The following SYNPR variants were observed in gnomAD, a reference collection of about 807,000 sequenced individuals.
SYNPR encodes synaptoporin.
A neutral mutation model predicts 32.9 loss-of-function variants in SYNPR; 23 were observed. The ratio of observed to expected loss-of-function variants is 0.70; its 90% CI spans 0.50 to 0.99. The LOEUF (loss-of-function observed/expected upper bound fraction) is 0.99, where lower values mean the gene tolerates loss of function less well. Ranked by LOEUF, SYNPR falls within the 50% of genes least tolerant of loss-of-function variation. The probability of loss-of-function intolerance (pLI) is 0.00; values close to 1 mark genes in which losing one functional copy is unlikely to be tolerated. For synonymous variants in SYNPR, 146 were observed against 135.9 expected (o/e 1.07, Z -0.52); for missense variants, 318 against 349.3 (o/e 0.91, Z 0.71).
chr3:63,539,249 A>G (rs1466596408), intron 3 of SYNPR, among the ~76,000 whole-genome samples: 5 of 152,140 alleles, frequency 3.3e-5, no homozygotes, highest in Admixed American at 2.6e-4. Context: ...ATTCCACAAC[A>G]AAGTAGAATC....
At chr3:63,445,100 A>G (rs762630984) in intron 2 of SYNPR, among the ~76,000 whole-genome samples, 2 of 152,054 alleles carry the variant, frequency 1.3e-5, no homozygotes, top group Non-Finnish European at 2.9e-5. Flanking sequence ...AATATTTTAT[A>G]TAATATATTT....
chr3:63,372,682 A>C (rs1473390440), intron 2 of SYNPR, among the ~76,000 whole-genome samples: 2 of 152,110 alleles, frequency 1.3e-5, no homozygotes, highest in African/African-American at 4.8e-5. Context: ...ATAGGTGAAA[A>C]GTCCTCTGCC....
chr3:63,571,081 A>G (rs945376116), intron 4 of SYNPR, among the ~76,000 whole-genome samples: 1 of 152,178 alleles, frequency 6.6e-6, no homozygotes, highest in East Asian at 1.9e-4. Flanking sequence ...AATCACAATA[A>G]GCATCAATGT....
chr3:63,294,151 G>T (rs2086770534), intron 2 of SYNPR, among the ~76,000 whole-genome samples: 1 of 152,068 alleles, frequency 6.6e-6, no homozygotes. Context: ...AACTTAGGTA[G>T]TTTTCAAATG....
At chr3:63,232,090 T>A (rs553272012) in intron 1 of SYNPR, among the ~76,000 whole-genome samples, 1 of 151,278 alleles carries the variant, frequency 6.6e-6, no homozygotes, top group African/African-American at 2.4e-5. Context: ...AGATATGAGG[T>A]ACTTCATCTG....
chr3:63,525,503 T>A (rs1701995837), intron 3 of SYNPR, among the ~76,000 whole-genome samples: 1 of 152,200 alleles, frequency 6.6e-6, no homozygotes, highest in East Asian at 1.9e-4. Flanking sequence ...CTGACCATAT[T>A]TCCCTTCCCT....
chr3:63,526,722 A>G (rs35875391), intron 3 of SYNPR, among the ~76,000 whole-genome samples: 38,150 of 152,088 alleles, frequency 0.25, 4,940 homozygotes, highest in Admixed American at 0.33. Context: ...TGGGAATGAT[A>G]AGTAAATGAC....
At chr3:63,316,011 T>G (rs1449584604) in intron 2 of SYNPR, among the ~76,000 whole-genome samples, 1 of 152,018 alleles carries the variant, frequency 6.6e-6, no homozygotes, top group East Asian at 1.9e-4. Flanking sequence ...TTATTTTTGT[T>G]TTTAATTCTG....
At chr3:63,477,877 G>A (rs1700962331) in intron 2 of SYNPR, among the ~76,000 whole-genome samples, 1 of 152,224 alleles carries the variant, frequency 6.6e-6, no homozygotes, top group Non-Finnish European at 1.5e-5. Flanking sequence ...TAGCGGCTTT[G>A]AGCCAAGTAT....
intron 3 of SYNPR, among the ~76,000 whole-genome samples, chr3:63,482,582 C>T (rs987048527): frequency 3.3e-5 from 5 of 152,130 alleles, no homozygotes; most frequent in African/African-American, 1.2e-4. Flanking sequence ...ATTTTAAAAC[C>T]ACTGTTCTAG....
At chr3:63,331,053 T>A (rs143676046) in intron 2 of SYNPR, among the ~76,000 whole-genome samples, 4 of 152,318 alleles carry the variant, frequency 2.6e-5, no homozygotes, top group Non-Finnish European at 5.9e-5. Context: ...AAGGAAGGTA[T>A]TGGCCTAGAT....
intron 1 of SYNPR, among the ~76,000 whole-genome samples, chr3:63,244,786 A>G (rs944872952): frequency 6.6e-6 from 1 of 152,112 alleles, no homozygotes; most frequent in African/African-American, 2.4e-5. Context: ...TAATAGTGGA[A>G]TGTAAAAATA....
intron 4 of SYNPR, among the ~76,000 whole-genome samples, chr3:63,557,852 T>C (rs147727889): frequency 6.6e-6 from 1 of 152,204 alleles, no homozygotes; most frequent in Admixed American, 6.5e-5. Context: ...AAATAAATAA[T>C]GTTTATCAAA....
intron 2 of SYNPR, among the ~76,000 whole-genome samples, chr3:63,350,586 T>G (rs1428432854): frequency 1.3e-5 from 2 of 152,214 alleles, no homozygotes; most frequent in Non-Finnish European, 2.9e-5. Flanking sequence ...CACTGCACTA[T>G]TATGCAAAAC....
chr3:63,378,535 G>A (rs1342147376), intron 2 of SYNPR, among the ~76,000 whole-genome samples: 5 of 152,008 alleles, frequency 3.3e-5, no homozygotes, highest in South Asian at 4.1e-4. Context: ...CAATATTGGA[G>A]TTTTGATAAC....
intron 2 of SYNPR, among the ~76,000 whole-genome samples, chr3:63,408,336 GAA>G (rs1264135615): frequency 1.4e-5 from 2 of 138,568 alleles, no homozygotes; most frequent in South Asian, 2.2e-4. Flanking sequence ...AAGAAAGAAA[GAA>G]AGAAAGAAAG....
chr3:63,499,072 G>A (rs995032869), intron 3 of SYNPR, among the ~76,000 whole-genome samples: 1 of 151,984 alleles, frequency 6.6e-6, no homozygotes, highest in Non-Finnish European at 1.5e-5. Flanking sequence ...GGTGCAGTGA[G>A]GAGACCAGTT....
chr3:63,386,556 T>G (rs9860810), intron 2 of SYNPR, among the ~76,000 whole-genome samples: 102,382 of 152,026 alleles, frequency 0.67, 35,248 homozygotes, highest in African/African-American at 0.81. Flanking sequence ...TTCTTGTTTG[T>G]TTGTAATTAT....
chr3:63,309,316 G>A (rs1263241728), intron 2 of SYNPR, among the ~76,000 whole-genome samples: 1 of 151,776 alleles, frequency 6.6e-6, no homozygotes, highest in Non-Finnish European at 1.5e-5. Context: ...TTTTGCTTCT[G>A]GATCAATTTC....
Sources: allele counts gnomAD v4.1 joint callset (sites outside exome capture counted in the v4.1 genomes callset), GRCh38; gene constraint gnomAD v4.1.1; transcripts MANE v1.5; gene names NCBI Gene and HGNC (gene_info 2026-07-23, HGNC 2026-07-21).